Variants in CMBL observed in about 807,000 individuals in gnomAD.
CMBL encodes carboxymethylenebutenolidase homolog.
A neutral mutation model predicts 28.7 loss-of-function variants in CMBL; 17 were observed. That is an observed-to-expected ratio of 0.59 (90% CI 0.41 to 0.89). CMBL has a LOEUF of 0.89. Among genes scored for constraint, CMBL ranks in the 40% least tolerant of loss-of-function variants. CMBL has a pLI of 0.00. For synonymous variants in CMBL, 106 were observed against 101.6 expected, an observed-to-expected ratio of 1.04 and a Z score of -0.26; for missense variants, 310 against 298.5, an observed-to-expected ratio of 1.04 and a Z score of -0.28.
At chr5:10,304,191 T>C (rs1181093013) in intron 1 of CMBL, among the ~76,000 whole-genome samples, 1 of 146,668 alleles carries the variant, frequency 6.8e-6, no homozygotes, top group Non-Finnish European at 1.5e-5. Context: ...GGAGACCCCA[T>C]CTCTACAAAA....
intron 2 of CMBL, among the ~76,000 whole-genome samples, chr5:10,290,182 G>A (rs1388154577): frequency 1.3e-5 from 2 of 152,226 alleles, no homozygotes; most frequent in South Asian, 2.1e-4. Flanking sequence ...AATCTGACAC[G>A]AGGCTGAGCT....
Position 10,278,895 on chromosome 5 carries a change from T to C in CMBL, c.*1558A>G, listed in dbSNP as rs1022449339. On this transcript the variant is annotated 3_prime_UTR_variant, in exon 6 of 6. Coordinates refer to ENST00000296658, the MANE Select transcript of CMBL (RefSeq NM_138809.4). ...GGTTGGACACTCAGGAATCAGGCCGTCTGTGAGGTCAAAGAAGGATCCCAT... is the reference window on the plus strand; with the variant it reads ...GGTTGGACACTCAGGAATCAGGCCGCCTGTGAGGTCAAAGAAGGATCCCAT... 8.6e-5 allele frequency among the ~76,000 whole-genome samples: 13 copies of C among 151,956 alleles called. No homozygotes were observed. The highest frequency in any genetic ancestry group is 1.9e-4 in the Non-Finnish European group (13 of 67,992).
chr5:10,297,533 C>A (rs1746829112), intron 1 of CMBL, among the ~76,000 whole-genome samples: 1 of 147,212 alleles, frequency 6.8e-6, no homozygotes, highest in Non-Finnish European at 1.5e-5. Context: ...CGCACCATTT[C>A]ACTCCAGCCC....
At position 10,278,849 on chromosome 5, in the gene CMBL, C is replaced by T. The variant is rs191194091; in HGVS notation, c.*1604G>A. 6.6e-5 allele frequency among the ~76,000 whole-genome samples: 10 copies of T among 152,044 alleles called. No individual in the cohort carries two copies. The highest frequency in any genetic ancestry group is 1.9e-4 in the African/African-American group (8 of 41,476). On this transcript the variant is annotated 3_prime_UTR_variant, in exon 6 of 6. Coordinates refer to ENST00000296658, the MANE Select transcript of CMBL (RefSeq NM_138809.4). ...TGTGCCAGGATAAACAAGCTTCCTG[C>T]GAGAGGGACACCTGGCCACAGGTTG...
At chr5:10,298,233 C>T (rs1371133716) in intron 1 of CMBL, among the ~76,000 whole-genome samples, 3 of 151,982 alleles carry the variant, frequency 2.0e-5, no homozygotes, top group Admixed American at 6.6e-5. Context: ...TACCCCAGTG[C>T]GTGGCTAGAA....
At chr5:10,291,100 C>T (rs1362238600) in intron 1 of CMBL, among the ~76,000 whole-genome samples, 1 of 152,166 alleles carries the variant, frequency 6.6e-6, no homozygotes, top group Non-Finnish European at 1.5e-5. Flanking sequence ...CAGATGCTGA[C>T]GGGGCCCAGT....
At chr5:10,285,556 C>T (rs1274219804) in intron 4 of CMBL, among the ~76,000 whole-genome samples, 1 of 152,004 alleles carries the variant, frequency 6.6e-6, no homozygotes, top group Non-Finnish European at 1.5e-5. Flanking sequence ...TCTTGGACTC[C>T]CAAAGTGCTA....
At chr5:10,294,995 A>G (rs1352080546) in intron 1 of CMBL, among the ~76,000 whole-genome samples, 3 of 152,238 alleles carry the variant, frequency 2.0e-5, no homozygotes, top group Non-Finnish European at 2.9e-5. Context: ...CAGGGGCCCA[A>G]GCTAAAACGA....
rs929375859 is a variant in CMBL at position 10,290,753 on chromosome 5, C to T, written c.10G>A (p.Glu4Lys). The change falls in exon 2 of 6, where the codon GAA becomes AAA. Residue 4 changes from glutamate to lysine, a missense_variant. Coordinates refer to ENST00000296658, the MANE Select transcript of CMBL (RefSeq NM_138809.4). MANEAYPCPCDIGH... is the reference protein window; with the variant it reads MANKAYPCPCDIGH... ...ATGTCACACGGACAAGGATAAGCTT[C>T]GTTAGCCATTGCAGAGATTTAAGTC... 2.1e-5 allele frequency: 34 copies of T among 1,613,886 alleles called. No homozygotes were observed. The highest frequency in any genetic ancestry group is 5.0e-5 in the Admixed American group (3 of 59,998).
chr5:10,298,018 G>A (rs1746838286), intron 1 of CMBL, among the ~76,000 whole-genome samples: 1 of 152,026 alleles, frequency 6.6e-6, no homozygotes, highest in Non-Finnish European at 1.5e-5. Flanking sequence ...ACGTATGGCT[G>A]TTTCCTCCAG....
At position 10,290,681 on chromosome 5, in the gene CMBL, C is replaced by T; in HGVS notation, c.82G>A (p.Glu28Lys). The T allele has an allele frequency of 1.9e-6, 3 of 1,614,150 alleles. No individual in the cohort carries two copies. Among genetic ancestry groups the T allele is most frequent in the Non-Finnish European group, 2.5e-6 (3 of 1,180,030 alleles). Residue 28 changes from glutamate to lysine, a missense_variant, in exon 2 of 6, where the codon GAG becomes AAG. By Grantham distance (56) the Glu-to-Lys change is moderately conservative. Coordinates refer to ENST00000296658, the MANE Select transcript of CMBL (RefSeq NM_138809.4). The part of the protein sequence containing the change: ...YGGLGREVQV[E>K]HIKAYVTKSP... ...TTGGTGACATAAGCCTTGATGTGCT[C>T]GACTTGAACTTCACGGCCTAGCCCT...
In CMBL at chr5:10,290,329, G is replaced by A. The variant is rs1746685044; in HGVS notation, c.215+219C>T. On this transcript the variant is annotated intron_variant, in intron 2 of 5. Coordinates refer to ENST00000296658, the MANE Select transcript of CMBL (RefSeq NM_138809.4). ...CAAGTCTAAAGGCCAGGTACTCCCA[G>A]GAGGACAGGAAACCCAGGAATGGGG... 5.3e-6 allele frequency: 3 copies of A among 567,796 alleles called. No individual in the cohort carries two copies. The Admixed American group carries it at 9.3e-5, about 18-fold the overall frequency. 35.2% of individuals were successfully genotyped at this position (567,796 alleles called of 1,614,324 possible).
chr5:10,284,945 A>G (rs1261411648), intron 4 of CMBL, among the ~76,000 whole-genome samples: 1 of 151,504 alleles, frequency 6.6e-6, no homozygotes, highest in Non-Finnish European at 1.5e-5. Context: ...CCAAAAATGT[A>G]TAAATTGCTA....
chr5:10,304,712 G>A (rs1746966874), intron 1 of CMBL, among the ~76,000 whole-genome samples: 2 of 152,158 alleles, frequency 1.3e-5, no homozygotes, highest in South Asian at 4.1e-4. Context: ...CAGCACTTTG[G>A]GAAGCTGAGG....
intron 1 of CMBL, among the ~76,000 whole-genome samples, chr5:10,292,826 C>CAAAAAAA (rs34798121): frequency 3.7e-5 from 4 of 107,224 alleles, no homozygotes; most frequent in Non-Finnish European, 5.4e-5. Context: ...CTCTGTCTCA[C>CAAAAAAA]AAAAAAAAAA....
chr5:10,286,660 C>T (rs895996466), intron 3 of CMBL, among the ~76,000 whole-genome samples, 164 bp from the exon 4 acceptor site: 1 of 152,204 alleles, frequency 6.6e-6, no homozygotes, highest in East Asian at 1.9e-4. Context: ...ACTGATGCAT[C>T]ATCCCAGCAC....
intron 1 of CMBL, among the ~76,000 whole-genome samples, chr5:10,291,585 C>T (rs1458308024): frequency 3.3e-5 from 5 of 150,564 alleles, no homozygotes; most frequent in African/African-American, 7.3e-5. Flanking sequence ...GGCGTGAACC[C>T]GGGAGGCGGA....
At chr5:10,298,221 C>T (rs1437220690) in intron 1 of CMBL, among the ~76,000 whole-genome samples, 2 of 152,120 alleles carry the variant, frequency 1.3e-5, no homozygotes, top group African/African-American at 4.8e-5. Context: ...TGGATCCCCA[C>T]ATACCCCAGT....
intron 1 of CMBL, among the ~76,000 whole-genome samples, chr5:10,303,995 G>A (rs1051131854): frequency 2.6e-5 from 4 of 152,130 alleles, no homozygotes; most frequent in Non-Finnish European, 5.9e-5. Flanking sequence ...TCATGCTAAC[G>A]CAGTCATTTT....
Sources: gnomAD v4.1 joint callset for allele counts (sites outside exome capture counted in the v4.1 genomes callset) on GRCh38, gnomAD v4.1.1 for gene constraint, MANE v1.5 for transcripts, NCBI Gene and HGNC (gene_info 2026-07-23, HGNC 2026-07-21) for gene names.